Variants in GRM5 observed in about 807,000 individuals in gnomAD.
GRM5 encodes the protein metabotropic glutamate receptor 5.
In GRM5, 19 loss-of-function variants were observed where a neutral mutation model predicts 83.1. The observed-to-expected ratio is 0.23, with a 90% CI of 0.16 to 0.34. The LOEUF (loss-of-function observed/expected upper bound fraction) is 0.34, where lower values mean the gene tolerates loss of function less well. Among genes scored for constraint, GRM5 ranks in the 10% least tolerant of loss-of-function variants. The probability of loss-of-function intolerance (pLI) is 1.00; values close to 1 mark genes in which losing one functional copy is unlikely to be tolerated. For synonymous variants in GRM5, 675 were observed against 633.6 expected, an observed-to-expected ratio of 1.07 and a Z score of -0.98; for missense variants, 1,160 against 1,588.3, an observed-to-expected ratio of 0.73 and a Z score of 4.58.
At chr11:88,983,408 T>C (rs1422381156) in intron 2 of GRM5, among the ~76,000 whole-genome samples, 1 of 152,198 alleles carries the variant, frequency 6.6e-6, no homozygotes, top group African/African-American at 2.4e-5. Context: ...CAAGAAATCA[T>C]ATATGCAAAG....
intron 2 of GRM5, among the ~76,000 whole-genome samples, chr11:88,983,023 G>C (rs1237732923): frequency 2.0e-5 from 3 of 152,122 alleles, no homozygotes; most frequent in Non-Finnish European, 4.4e-5. Flanking sequence ...CTGAGATCAC[G>C]CCACTGCACT....
intron 2 of GRM5, among the ~76,000 whole-genome samples, chr11:88,950,095 C>A (rs190395705): frequency 1.3e-5 from 2 of 150,178 alleles, no homozygotes; most frequent in Admixed American, 1.3e-4. Flanking sequence ...AGGATGGTCT[C>A]GATCTCCTGA....
In GRM5 at chr11:88,609,957, C is replaced by A. The variant is rs371113900; in HGVS notation, c.1148-4993G>T. On this transcript the variant is annotated intron_variant, in intron 4 of 9. Coordinates refer to ENST00000305447, the MANE Select transcript of GRM5 (RefSeq NM_001143831.3). The stretch of plus-strand genomic sequence containing the variant: ...ATTTCAATCTTCTGCATACAGCTAG[C>A]CAGTGATCCCAGCACCATTTATTGG... 7.9e-5 allele frequency among the ~76,000 whole-genome samples: 12 copies of A among 152,302 alleles called. No individual in the cohort carries two copies. The East Asian group carries it at 1.7e-3, about 22-fold the overall frequency.
intron 2 of GRM5, among the ~76,000 whole-genome samples, chr11:89,022,476 A>G (rs1941009061): frequency 8.1e-6 from 1 of 122,818 alleles, no homozygotes; most frequent in East Asian, 2.4e-4. Context: ...CTCCGTCCCT[A>G]CTAAAAATAC....
chr11:88,781,743 C>A (rs969462559), intron 3 of GRM5, among the ~76,000 whole-genome samples: 3 of 152,180 alleles, frequency 2.0e-5, no homozygotes, highest in African/African-American at 4.8e-5. Context: ...TGACCACAAT[C>A]TCCTCTGGCC....
intron 2 of GRM5, among the ~76,000 whole-genome samples, chr11:88,947,030 G>C (rs1207651857): frequency 6.6e-6 from 1 of 152,034 alleles, no homozygotes; most frequent in Admixed American, 6.6e-5. Flanking sequence ...TCAGTAGAAA[G>C]CTTTTTGGCT....
chr11:88,775,709 T>C (rs191031704), intron 3 of GRM5, among the ~76,000 whole-genome samples: 1 of 152,350 alleles, frequency 6.6e-6, no homozygotes, highest in African/African-American at 2.4e-5. Flanking sequence ...CCAGTAGTCA[T>C]TCAGGAGCAA....
chr11:88,955,705 G>A (rs1938589784), intron 2 of GRM5, among the ~76,000 whole-genome samples: 1 of 152,000 alleles, frequency 6.6e-6, no homozygotes, highest in Non-Finnish European at 1.5e-5. Context: ...TTCATTCAGA[G>A]TGCCCTTCCC....
intron 3 of GRM5, among the ~76,000 whole-genome samples, chr11:88,801,065 T>C (rs1305342275): frequency 1.3e-5 from 2 of 152,128 alleles, no homozygotes; most frequent in African/African-American, 2.4e-5. Flanking sequence ...GGCTATATTG[T>C]ACTGGGGTAA....
intron 3 of GRM5, among the ~76,000 whole-genome samples, chr11:88,837,718 C>T (rs1018070577): frequency 6.6e-6 from 1 of 152,138 alleles, no homozygotes; most frequent in Admixed American, 6.5e-5. Flanking sequence ...GTCAGACCTA[C>T]AGCACCTCCC....
intron 2 of GRM5, among the ~76,000 whole-genome samples, chr11:88,851,975 A>C (rs556860911): frequency 6.6e-6 from 1 of 152,328 alleles, no homozygotes; most frequent in African/African-American, 2.4e-5. Context: ...TGAGTAATCT[A>C]TTATTCTTTC....
chr11:88,643,773 T>A (rs1013395597), intron 4 of GRM5, among the ~76,000 whole-genome samples: 1 of 152,214 alleles, frequency 6.6e-6, no homozygotes, highest in Non-Finnish European at 1.5e-5. Flanking sequence ...TTTTTTTTAT[T>A]TTCCCCAGTC....
Position 88,573,904 on chromosome 11 carries a change from C to A in GRM5, c.1691-5912G>T, listed in dbSNP as rs553498196. On this transcript the variant is annotated intron_variant, in intron 7 of 9. Transcript: ENST00000305447. ...GAATTCTGTGTCTAGTGTTCATATC[C>A]CTGATCCTTTAATATTTTTTCTTTA... Among the ~76,000 whole-genome samples the A allele has an allele frequency of 2.0e-5, 3 of 152,228 alleles. No individual in the cohort carries two copies. The East Asian group carries it at 5.8e-4, about 29-fold the overall frequency.
At chr11:89,059,658 A>G (rs1941947196) in intron 1 of GRM5, among the ~76,000 whole-genome samples, 1 of 152,190 alleles carries the variant, frequency 6.6e-6, no homozygotes, top group African/African-American at 2.4e-5. Context: ...AGGGCAGTTG[A>G]ACATTAAATG....
Position 88,802,955 on chromosome 11 carries a change from C to A in GRM5, c.911+46951G>T, listed in dbSNP as rs536395997. ...TCACAATTGCTTCAAAGAGAATAAA[C>A]TACCTAGGAATCCAACTTACAAGGG... On this transcript the variant is annotated intron_variant, in intron 3 of 9. Coordinates refer to ENST00000305447, the MANE Select transcript of GRM5 (RefSeq NM_001143831.3). 1.7e-3 allele frequency among the ~76,000 whole-genome samples: 254 copies of A among 149,162 alleles called. 1 individual carries two copies. The highest frequency in any genetic ancestry group is 6.0e-3 in the African/African-American group (238 of 39,436).
intron 2 of GRM5, among the ~76,000 whole-genome samples, chr11:89,045,106 A>G: frequency 6.6e-6 from 1 of 152,124 alleles, no homozygotes; most frequent in South Asian, 2.1e-4. Context: ...ATTTCTTCCA[A>G]CCTTTGAATG....
chr11:88,709,247 T>G (rs538526937), intron 3 of GRM5, among the ~76,000 whole-genome samples: 2 of 151,752 alleles, frequency 1.3e-5, no homozygotes, highest in East Asian at 3.9e-4. Flanking sequence ...GACATAGCCA[T>G]GTAAGGGATC....
At chr11:89,059,571 T>C (rs1941945644) in intron 1 of GRM5, among the ~76,000 whole-genome samples, 1 of 152,094 alleles carries the variant, frequency 6.6e-6, no homozygotes, top group African/African-American at 2.4e-5. Flanking sequence ...CTGTGGGACA[T>C]TGGACAAGTT....
chr11:88,749,622 A>G (rs182440644), intron 3 of GRM5, among the ~76,000 whole-genome samples: 1 of 152,258 alleles, frequency 6.6e-6, no homozygotes, highest in East Asian at 1.9e-4. Context: ...AAAAATATCA[A>G]GCCATAGACA....
Sources: gnomAD v4.1 joint callset for allele counts (sites outside exome capture counted in the v4.1 genomes callset) on GRCh38, gnomAD v4.1.1 for gene constraint, MANE v1.5 for transcripts, NCBI Gene and HGNC (gene_info 2026-07-23, HGNC 2026-07-21) for gene names.